The following SASH1 variants were observed in gnomAD, a reference collection of about 807,000 sequenced individuals.
SASH1 encodes SAM and SH3 domain containing 1.
A neutral mutation model predicts 125.2 loss-of-function variants in SASH1; 44 were observed. The observed-to-expected ratio is 0.35, with a 90% confidence interval of 0.28 to 0.45. SASH1 has a LOEUF of 0.45. Among genes scored for constraint, SASH1 ranks in the 20% least tolerant of loss-of-function variants. The pLI is 1.00. For missense variants in SASH1, 1,426 were observed against 1,614.5 expected (o/e 0.88, Z 2.00); for synonymous variants, 639 against 649.1 (o/e 0.98, Z 0.24).
rs141121892 is a variant in SASH1 at position 148,464,606 on chromosome 6, A to G, written c.387-3939A>G. On this transcript the variant is annotated intron_variant, in intron 4 of 19. Transcript: ENST00000367467. Reference sequence around the variant, plus strand: ...TGACCCCTTCCACCTGCTGCCATCCACTTTTGGACTTGGGTTATATCATTG... The same window carrying G: ...TGACCCCTTCCACCTGCTGCCATCCGCTTTTGGACTTGGGTTATATCATTG... Among the ~76,000 whole-genome samples, 1,035 of 152,164 alleles carry G rather than the reference A, an allele frequency of 6.8e-3. 9 individuals carry two copies. Among genetic ancestry groups the G allele is most frequent in the Non-Finnish European group, 0.011 (719 of 68,004 alleles).
intron 16 of SASH1, among the ~76,000 whole-genome samples, chr6:148,535,320 G>T (rs753351106): frequency 1.8e-4 from 28 of 152,310 alleles, no homozygotes; most frequent in South Asian, 1.2e-3. Context: ...AAAAAAATGG[G>T]TAGACTCCAC....
upstream of SASH1, among the ~76,000 whole-genome samples, chr6:148,271,798 T>C (rs1007796112): frequency 1.3e-5 from 2 of 152,190 alleles, no homozygotes; most frequent in African/African-American, 4.8e-5. Flanking sequence ...TTCTGGAAGT[T>C]TCTCTGTGGA....
intron 1 of SASH1, among the ~76,000 whole-genome samples, chr6:148,330,775 G>A (rs539027396): frequency 6.6e-6 from 1 of 152,188 alleles, no homozygotes; most frequent in South Asian, 2.1e-4. Context: ...TAGCAGAGAT[G>A]GGGTTTCGCC....
At chr6:148,293,644 C>T (rs1165529647) in intron 1 of SASH1, among the ~76,000 whole-genome samples, 2 of 152,122 alleles carry the variant, frequency 1.3e-5, no homozygotes, top group Admixed American at 6.6e-5. Context: ...ATCTTGTTTA[C>T]GCCACTGATG....
At chr6:148,376,021 AT>A (rs1782876905) in intron 1 of SASH1, among the ~76,000 whole-genome samples, 1 of 152,014 alleles carries the variant, frequency 6.6e-6, no homozygotes, top group African/African-American at 2.4e-5. Context: ...TTTTTTGGGG[AT>A]TGCATGGCAT....
At chr6:148,358,979 C>T (rs1478311566) in intron 1 of SASH1, among the ~76,000 whole-genome samples, 1 of 151,922 alleles carries the variant, frequency 6.6e-6, no homozygotes, top group Non-Finnish European at 1.5e-5. Flanking sequence ...TTGTGATCCG[C>T]CTGCCTTGGC....
chr6:148,333,557 T>C (rs1288499256), intron 1 of SASH1, among the ~76,000 whole-genome samples: 1 of 151,906 alleles, frequency 6.6e-6, no homozygotes, highest in Non-Finnish European at 1.5e-5. Flanking sequence ...AGATAAAATA[T>C]CGTTGTCGCT....
the SASH1 span, among the ~76,000 whole-genome samples, chr6:148,218,023 A>T: frequency 0.028 from 4,188 of 151,404 alleles, 178 homozygotes; most frequent in African/African-American, 0.096. Context: ...TCAAAAAAAA[A>T]AAAATAAATA....
At chr6:148,418,063 T>C (rs1222576227) in intron 2 of SASH1, among the ~76,000 whole-genome samples, 1 of 152,166 alleles carries the variant, frequency 6.6e-6, no homozygotes, top group Non-Finnish European at 1.5e-5. Context: ...CCAGTGGTCC[T>C]AGTGGGCACT....
intron 8 of SASH1, among the ~76,000 whole-genome samples, chr6:148,510,311 C>T (rs535343615): frequency 3.9e-5 from 6 of 152,184 alleles, no homozygotes; most frequent in Middle Eastern, 3.4e-3. Context: ...GATAAGTTGC[C>T]TTTTTCTCTT....
intron 8 of SASH1, among the ~76,000 whole-genome samples, chr6:148,507,224 G>C (rs1389281074): frequency 6.6e-5 from 10 of 152,186 alleles, no homozygotes; most frequent in Admixed American, 6.5e-4. Context: ...AGAGACGCCA[G>C]CCCGCCCAGG....
intron 1 of SASH1, among the ~76,000 whole-genome samples, chr6:148,383,067 C>T (rs912835202): frequency 3.9e-5 from 6 of 152,132 alleles, no homozygotes; most frequent in South Asian, 2.1e-4. Flanking sequence ...GTCTGCAGAA[C>T]GACGACGACG....
At chr6:148,356,576 T>A (rs1781952847) in intron 1 of SASH1, among the ~76,000 whole-genome samples, 1 of 139,010 alleles carries the variant, frequency 7.2e-6, no homozygotes, top group African/African-American at 2.7e-5. Flanking sequence ...TTCAAGCGAT[T>A]CTCCTGCCTC....
At position 148,335,464 on chromosome 6, in the gene SASH1, CAAA is replaced by C. The variant is rs534202487; in HGVS notation, n.75-54651_75-54649del. The stretch of plus-strand genomic sequence containing the variant: ...TGGGCAACAGCGTGAGACTCTGTCT[CAAA>C]AAAAAAAAAAAAAAAAAAGAATTCA... On this transcript the variant is annotated intron_variant and non_coding_transcript_variant, in intron 1 of 3. Coordinates refer to the SASH1 transcript ENST00000367469. Among the ~76,000 whole-genome samples, 342 of 79,918 alleles carry C rather than the reference CAAA, an allele frequency of 4.3e-3. 1 individual carries two copies. The highest frequency in any genetic ancestry group is 0.014 in the African/African-American group (311 of 22,162). 52.4% of individuals were successfully genotyped at this position (79,918 alleles called of 152,430 possible).
intron 1 of SASH1, among the ~76,000 whole-genome samples, chr6:148,382,478 C>T (rs554916925): frequency 4.2e-4 from 64 of 152,214 alleles, no homozygotes; most frequent in Admixed American, 2.4e-3. Flanking sequence ...TTAGTAGAGA[C>T]GGAGTTTCTC....
chr6:148,302,484 G>A (rs1779991421), intron 1 of SASH1, among the ~76,000 whole-genome samples: 1 of 151,590 alleles, frequency 6.6e-6, no homozygotes, highest in Non-Finnish European at 1.5e-5. Context: ...TGATACTTGT[G>A]TTAAAGAGTT....
the SASH1 span, among the ~76,000 whole-genome samples, chr6:148,238,851 T>C: frequency 6.6e-6 from 1 of 152,034 alleles, no homozygotes; most frequent in South Asian, 2.1e-4. Context: ...TCCCGGTGAG[T>C]TGGGGAACTA....
At chr6:148,200,308 G>A in the SASH1 span, among the ~76,000 whole-genome samples, 2 of 152,166 alleles carry the variant, frequency 1.3e-5, no homozygotes, top group Non-Finnish European at 2.9e-5. Context: ...CTGAAACATT[G>A]GTTCAGCTAG....
chr6:148,419,479 G>A (rs1306836195), intron 2 of SASH1, among the ~76,000 whole-genome samples: 1 of 152,204 alleles, frequency 6.6e-6, no homozygotes, highest in Non-Finnish European at 1.5e-5. Context: ...TGGTACTCAT[G>A]TAAGACTCTT....
Sources: allele counts gnomAD v4.1 joint callset (sites outside exome capture counted in the v4.1 genomes callset), GRCh38; gene constraint gnomAD v4.1.1; transcripts MANE v1.5; gene names NCBI Gene and HGNC (gene_info 2026-07-23, HGNC 2026-07-21).